FCN1: variants seen among roughly 807,000 people sequenced by gnomAD.
FCN1 encodes ficolin-1.
A neutral mutation model predicts 35.6 loss-of-function variants in FCN1; 42 were observed. The observed-to-expected ratio is 1.18, with a 90% CI of 0.92 to 1.53. The LOEUF (loss-of-function observed/expected upper bound fraction) is 1.53. Among genes scored for constraint, FCN1 ranks in the 40% most tolerant of loss-of-function variants. The pLI is 0.00. For missense variants in FCN1, 439 were observed against 428.4 expected (o/e 1.02, Z -0.22); for synonymous variants, 179 against 169.8 (o/e 1.05, Z -0.42).
Position 134,909,432 on chromosome 9 carries a change from A to G in FCN1, c.*366T>C. On this transcript the variant is annotated 3_prime_UTR_variant, in exon 9 of 9. Transcript: ENST00000371806. ...TGGAAAATCCTCGCAAAAGTCACTC[A>G]ACCTCCCTGAACATCGGTAGTGCCA... The G allele has an allele frequency of 7.7e-7, 1 of 1,290,410 alleles. No individual in the cohort carries two copies. Among genetic ancestry groups the G allele is most frequent in the African/African-American group, 1.5e-5 (1 of 66,124 alleles). 79.9% of individuals were successfully genotyped at this position (1,290,410 alleles called of 1,614,324 possible).
intron 8 of FCN1, 130 bp downstream of exon 8, chr9:134,911,003 A>G: frequency 1.1e-6 from 1 of 943,982 alleles, no homozygotes; most frequent in African/African-American, 1.6e-5. Flanking sequence ...CACAAATGCT[A>G]GTGTCTGCTT....
intron 7 of FCN1, among the ~76,000 whole-genome samples, chr9:134,912,124 C>T (rs1218606311): frequency 1.3e-5 from 2 of 152,132 alleles, no homozygotes; most frequent in African/African-American, 2.4e-5. Context: ...CTGGAGGAGG[C>T]GAGCGTGGGC....
At position 134,908,812 on chromosome 9, in the gene FCN1, T is replaced by G; in HGVS notation, c.*986A>C. The G allele has an allele frequency of 2.1e-5, 4 of 188,292 alleles. No individual in the cohort carries two copies. Among genetic ancestry groups the G allele is most frequent in the Admixed American group, 5.4e-5 (1 of 18,422 alleles). The allele number at this position is 188,292 out of a possible 1,614,324, so 11.7% of individuals were successfully genotyped here. On this transcript the variant is annotated 3_prime_UTR_variant, in exon 9 of 9. Coordinates refer to ENST00000371806, the MANE Select transcript of FCN1 (RefSeq NM_002003.5). Reference sequence around the variant, plus strand: ...TGAGCCAGGAGGTGGCGAGTTCTTGTTGTTTCAAGCCACTCCATTTGTGGT... The same window carrying G: ...TGAGCCAGGAGGTGGCGAGTTCTTGGTGTTTCAAGCCACTCCATTTGTGGT...
chr9:134,909,524 A>G lies in FCN1; in HGVS notation c.*274T>C, dbSNP rs983441160. 1 of 1,374,142 alleles carries G rather than the reference A, an allele frequency of 7.3e-7. No homozygotes were observed. Among genetic ancestry groups the G allele is most frequent in the African/African-American group, 1.4e-5 (1 of 69,040 alleles). 85.1% of individuals were successfully genotyped at this position (1,374,142 alleles called of 1,614,324 possible). ...TCCAGGGAAAGACCTGCCGTGCAAC[A>G]GACACAGGAAAGTGATCAAAACCAC... On this transcript the variant is annotated 3_prime_UTR_variant, in exon 9 of 9. Transcript: ENST00000371806.
rs375251811 is a variant in FCN1 at position 134,916,340 on chromosome 9, G to T, written c.217+8C>A. On this transcript the variant is annotated splice_region_variant and intron_variant, in intron 2 of 8. Transcript: ENST00000371806. ...CATGCCTGGCCTCCCCACCCGGCCCGCACCTACCTCTCTCTCCAATGACAC... is the reference window on the plus strand; with the variant it reads ...CATGCCTGGCCTCCCCACCCGGCCCTCACCTACCTCTCTCTCCAATGACAC... 1 of 1,607,030 alleles carries T rather than the reference G, an allele frequency of 6.2e-7. No individual in the cohort carries two copies. Among genetic ancestry groups the T allele is most frequent in the East Asian group, 2.2e-5 (1 of 44,842 alleles).
rs1350860677 is a variant in FCN1 at position 134,905,444 on chromosome 9, T to C, written c.*4354A>G. 6.6e-6 allele frequency among the ~76,000 whole-genome samples: 1 copy of C among 152,188 alleles called. No individual in the cohort carries two copies. Among genetic ancestry groups the C allele is most frequent in the African/African-American group, 2.4e-5 (1 of 41,456 alleles). On this transcript the variant is annotated 3_prime_UTR_variant, in exon 9 of 9. Transcript: ENST00000371806. ...TCTGCTGATGTGAGTTGGGGAGGAA[T>C]TGGTGATGGGAAAAGACTCTTCATC...
intron 1 of FCN1, among the ~76,000 whole-genome samples, chr9:134,916,662 G>A (rs1831096734): frequency 6.6e-6 from 1 of 152,256 alleles, no homozygotes; most frequent in Non-Finnish European, 1.5e-5. Flanking sequence ...GTGTCCTGCA[G>A]CAAGTAACTT....
rs976769639 is a variant in FCN1 at position 134,904,422 on chromosome 9, C to A, written c.*5376G>T. On this transcript the variant is annotated 3_prime_UTR_variant, in exon 9 of 9. Coordinates refer to ENST00000371806, the MANE Select transcript of FCN1 (RefSeq NM_002003.5). ...AATCTAAATACTATTTAAAATGAGG[C>A]AAAATAAAGATGTTTTCAGATAATA... 2.0e-5 allele frequency among the ~76,000 whole-genome samples: 3 copies of A among 152,016 alleles called. No homozygotes were observed. The highest frequency in any genetic ancestry group is 7.3e-5 in the African/African-American group (3 of 41,370).
chr9:134,914,635 G>T, intron 3 of FCN1, 121 bp downstream of exon 3: 1 of 932,816 alleles, frequency 1.1e-6, no homozygotes, highest in Non-Finnish European at 1.7e-6. Flanking sequence ...TTCTCTCTCT[G>T]TTGCCGTGTC....
Position 134,903,903 on chromosome 9 carries a change from C to T in FCN1, c.*5895G>A, listed in dbSNP as rs1033129208. On this transcript the variant is annotated 3_prime_UTR_variant, in exon 9 of 9. Transcript: ENST00000371806. ...CAATCAATGGTTTTCTATTTATAAG[C>T]AAATTAGATACAGTGAAAAGCATTA... Among the ~76,000 whole-genome samples, 3 of 152,158 alleles carry T rather than the reference C, an allele frequency of 2.0e-5. No homozygotes were observed. The highest frequency in any genetic ancestry group is 7.2e-5 in the African/African-American group (3 of 41,520).
intron 8 of FCN1, 104 bp downstream of exon 8, chr9:134,911,028 TG>T: frequency 8.6e-7 from 1 of 1,159,972 alleles, no homozygotes; most frequent in Non-Finnish European, 1.3e-6. Context: ...GATGGAGAAA[TG>T]GGATTCAGAG....
chr9:134,914,201 A>G (rs1223814955), intron 4 of FCN1, among the ~76,000 whole-genome samples, 184 bp downstream of exon 4: 1 of 152,200 alleles, frequency 6.6e-6, no homozygotes, highest in Non-Finnish European at 1.5e-5. Flanking sequence ...TGACTGCTGT[A>G]GACACCAGGG....
intron 4 of FCN1, among the ~76,000 whole-genome samples, chr9:134,913,842 G>A (rs1831058315): frequency 6.6e-6 from 1 of 152,208 alleles, no homozygotes; most frequent in African/African-American, 2.4e-5. Context: ...AGCTTGGTGG[G>A]CTGTGGCAGG....
chr9:134,904,990 C>A lies in FCN1; in HGVS notation c.*4808G>T, dbSNP rs1450547107. Reference sequence around the variant, plus strand: ...TTTAAATAAATGTATCATAGCATGGCGGCAAGAATGGCATAAAAAGCAGAA... The same window carrying A: ...TTTAAATAAATGTATCATAGCATGGAGGCAAGAATGGCATAAAAAGCAGAA... On this transcript the variant is annotated 3_prime_UTR_variant, in exon 9 of 9. Coordinates refer to ENST00000371806, the MANE Select transcript of FCN1 (RefSeq NM_002003.5). 6.6e-6 allele frequency among the ~76,000 whole-genome samples: 1 copy of A among 152,092 alleles called. No individual in the cohort carries two copies. The highest frequency in any genetic ancestry group is 2.4e-5 in the African/African-American group (1 of 41,472).
intron 4 of FCN1, among the ~76,000 whole-genome samples, 166 bp from the exon 5 acceptor site, chr9:134,913,779 T>C (rs894707235): frequency 6.6e-6 from 1 of 152,168 alleles, no homozygotes; most frequent in Non-Finnish European, 1.5e-5. Context: ...AGACTCGACT[T>C]CCCCAGAGGC....
chr9:134,913,592 G>T lies in FCN1; in HGVS notation c.329C>A (p.Ser110Ter), dbSNP rs200053918. The change falls in exon 5 of 9, where the codon TCG becomes TAG. Residue 110 changes from serine to a stop codon, truncating the protein, a stop_gained. Coordinates refer to ENST00000371806, the MANE Select transcript of FCN1 (RefSeq NM_002003.5). LOFTEE classifies it high-confidence loss of function. ...GEKGDAGQSQSCATGPRNCKD... is the reference protein window; with the variant it reads ...GEKGDAGQSQ Reference sequence around the variant, plus strand: ...GTGTGATCAGTCACCTGTCGCACACGACTGAGACTGCCCAGCGTCTCCTGT... The same window carrying T: ...GTGTGATCAGTCACCTGTCGCACACTACTGAGACTGCCCAGCGTCTCCTGT... The T allele has an allele frequency of 3.7e-6, 6 of 1,607,330 alleles. No homozygotes were observed. In the East Asian group the frequency reaches 1.3e-4, roughly 36 times the overall value.
At chr9:134,913,451 C>G (rs570092634) in intron 5 of FCN1, 130 bp downstream of exon 5, 1 of 726,186 alleles carries the variant, frequency 1.4e-6, no homozygotes, top group African/African-American at 1.8e-5. Flanking sequence ...GCCCATTACT[C>G]GAGTGATTGA....
At chr9:134,916,601 T>A in intron 1 of FCN1, 140 bp from the exon 2 acceptor site, 1 of 863,728 alleles carries the variant, frequency 1.2e-6, no homozygotes, top group Non-Finnish European at 1.9e-6. Context: ...GGCAGAGCTC[T>A]GGCTTTGGAG....
At chr9:134,912,736 G>T in intron 6 of FCN1, 121 bp from the exon 7 acceptor site, 2 of 1,352,626 alleles carry the variant, frequency 1.5e-6, no homozygotes, top group Non-Finnish European at 2.1e-6. Flanking sequence ...GGTGCCACAC[G>T]CACGCCCATC....
Sources: gnomAD v4.1 joint callset for allele counts (sites outside exome capture counted in the v4.1 genomes callset) on GRCh38, gnomAD v4.1.1 for gene constraint, MANE v1.5 for transcripts, NCBI Gene and HGNC (gene_info 2026-07-23, HGNC 2026-07-21) for gene names.